SLC25A21: variants seen among roughly 807,000 people sequenced by gnomAD.
The protein encoded by SLC25A21 is mitochondrial 2-oxodicarboxylate carrier.
A neutral mutation model predicts 43.8 loss-of-function variants in SLC25A21; 47 were observed. That is an observed-to-expected ratio of 1.07 (90% CI 0.85 to 1.37). The LOEUF is 1.37. SLC25A21 is among the 40% of genes most tolerant of loss of function. The pLI is 0.00. For missense variants in SLC25A21, 352 were observed against 350.2 expected (o/e 1.00, Z -0.04); for synonymous variants, 131 against 121.3 (o/e 1.08, Z -0.52).
chr14:37,084,545 C>T (rs1962447726), intron 1 of SLC25A21, among the ~76,000 whole-genome samples: 1 of 152,280 alleles, frequency 6.6e-6, no homozygotes, highest in Admixed American at 6.5e-5. Flanking sequence ...TTGTTTCTAA[C>T]AAAACATGTT....
intron 3 of SLC25A21, among the ~76,000 whole-genome samples, chr14:36,764,617 CAA>C (rs56318041): frequency 1.1e-4 from 14 of 124,262 alleles, no homozygotes; most frequent in East Asian, 4.7e-4. Context: ...ACACACACTC[CAA>C]AAAAAAAAAA....
intron 1 of SLC25A21, among the ~76,000 whole-genome samples, chr14:36,970,256 C>T (rs1959719580): frequency 6.6e-6 from 1 of 152,144 alleles, no homozygotes; most frequent in South Asian, 2.1e-4. Context: ...TTCATCCCTT[C>T]TCTCCTTGAG....
At chr14:37,044,581 T>G (rs1260349281) in intron 1 of SLC25A21, among the ~76,000 whole-genome samples, 1 of 152,188 alleles carries the variant, frequency 6.6e-6, no homozygotes, top group African/African-American at 2.4e-5. Context: ...GCCCCTCCTA[T>G]AGGAACACTG....
chr14:36,702,475 C>CAA (rs1213350246), intron 7 of SLC25A21, among the ~76,000 whole-genome samples: 18,560 of 66,456 alleles, frequency 0.28, 2,363 homozygotes, highest in East Asian at 0.48. Context: ...CCTGTCTCCA[C>CAA]AAAAAAAAAA....
chr14:37,125,356 T>G (rs1963279430), intron 1 of SLC25A21, among the ~76,000 whole-genome samples: 1 of 152,328 alleles, frequency 6.6e-6, no homozygotes, highest in Middle Eastern at 3.4e-3. Context: ...GTCCAGAGTC[T>G]ACAATCCACA....
At chr14:36,967,831 CTT>C (rs367937031) in intron 1 of SLC25A21, among the ~76,000 whole-genome samples, 20 of 151,774 alleles carry the variant, frequency 1.3e-4, no homozygotes, top group African/African-American at 4.1e-4. Context: ...GCCACATGCA[CTT>C]GTGTGTGTGT....
intron 1 of SLC25A21, among the ~76,000 whole-genome samples, chr14:36,889,538 G>T (rs1891020282): frequency 6.6e-6 from 1 of 152,118 alleles, no homozygotes; most frequent in Non-Finnish European, 1.5e-5. Context: ...TCAGGCTGGG[G>T]TGCAGTGGTG....
rs1429739491 is a variant in SLC25A21, at chr14:36,846,764, C to A, written c.119+28192G>T. 2.0e-5 allele frequency among the ~76,000 whole-genome samples: 3 copies of A among 152,188 alleles called. No individual in the cohort carries two copies. In the East Asian group the frequency reaches 5.8e-4, roughly 29 times the overall value. ...TGTTGAATATATAGCAAATGTCAGA[C>A]ACAGGTCTAGTCCTGGTGACACAGG... On this transcript the variant is annotated intron_variant, in intron 2 of 9. Coordinates refer to ENST00000331299, the MANE Select transcript of SLC25A21 (RefSeq NM_030631.4).
chr14:37,098,957 T>C (rs1962763343), intron 1 of SLC25A21, among the ~76,000 whole-genome samples: 1 of 151,814 alleles, frequency 6.6e-6, no homozygotes, highest in South Asian at 2.1e-4. Flanking sequence ...CATGCACAAC[T>C]GCACCTGGCT....
At chr14:36,915,726 A>T (rs1419892137) in intron 1 of SLC25A21, among the ~76,000 whole-genome samples, 3 of 152,086 alleles carry the variant, frequency 2.0e-5, no homozygotes, top group African/African-American at 7.2e-5. Flanking sequence ...ATTTGCTGTG[A>T]TCCACCCCAT....
intron 1 of SLC25A21, among the ~76,000 whole-genome samples, chr14:36,966,978 A>C (rs951322644): frequency 6.6e-6 from 1 of 152,198 alleles, no homozygotes; most frequent in Admixed American, 6.5e-5. Context: ...TTATTTCTCT[A>C]TATAGAAATA....
intron 1 of SLC25A21, among the ~76,000 whole-genome samples, chr14:36,979,828 AAAGAG>A (rs2138697902): frequency 6.6e-6 from 1 of 152,326 alleles, no homozygotes; most frequent in African/African-American, 2.4e-5. Context: ...CTTTCTAAAG[AAAGAG>A]AAGTATCCTC....
At chr14:36,695,827 T>C (rs1448509705) in intron 7 of SLC25A21, among the ~76,000 whole-genome samples, 4 of 152,230 alleles carry the variant, frequency 2.6e-5, no homozygotes, top group Non-Finnish European at 5.9e-5. Flanking sequence ...TGGGGTTTTC[T>C]AAATATACAA....
At chr14:36,704,271 C>A (rs564697054) in intron 7 of SLC25A21, among the ~76,000 whole-genome samples, 1 of 152,262 alleles carries the variant, frequency 6.6e-6, no homozygotes, top group African/African-American at 2.4e-5. Context: ...GAAAGAGAAT[C>A]CAGAGAATCC....
At chr14:37,006,969 C>A (rs1176863881) in intron 1 of SLC25A21, among the ~76,000 whole-genome samples, 1 of 152,178 alleles carries the variant, frequency 6.6e-6, no homozygotes, top group Non-Finnish European at 1.5e-5. Context: ...CCAGCATAAT[C>A]CTGGAACCAA....
At chr14:36,977,851 G>T (rs188074128) in intron 1 of SLC25A21, among the ~76,000 whole-genome samples, 1 of 151,342 alleles carries the variant, frequency 6.6e-6, no homozygotes. Context: ...TTCTTTGCAC[G>T]TGGAACTTTA....
chr14:37,129,169 G>A (rs774897562), intron 1 of SLC25A21, among the ~76,000 whole-genome samples: 5 of 152,088 alleles, frequency 3.3e-5, no homozygotes, highest in Admixed American at 1.3e-4. Context: ...TATCACTTCC[G>A]TTTAAAGAAA....
intron 1 of SLC25A21, among the ~76,000 whole-genome samples, chr14:37,073,397 G>A (rs1454897620): frequency 2.0e-5 from 3 of 151,706 alleles, no homozygotes; most frequent in Non-Finnish European, 4.4e-5. Flanking sequence ...GCAATTTTTT[G>A]TAGAAACAGT....
intron 1 of SLC25A21, among the ~76,000 whole-genome samples, chr14:37,090,038 A>G (rs1176819772): frequency 6.6e-6 from 1 of 152,206 alleles, no homozygotes; most frequent in East Asian, 1.9e-4. Flanking sequence ...AATTTAGGCT[A>G]ATTAGCATCA....
Sources: allele counts gnomAD v4.1 joint callset (sites outside exome capture counted in the v4.1 genomes callset), GRCh38; gene constraint gnomAD v4.1.1; transcripts MANE v1.5; gene names NCBI Gene and HGNC (gene_info 2026-07-23, HGNC 2026-07-21).